GGT7: variants seen among roughly 807,000 people sequenced by gnomAD.
GGT7 encodes the protein glutathione hydrolase 7.
In GGT7, 30 loss-of-function variants were observed where a neutral mutation model predicts 69.2. The observed-to-expected ratio is 0.43, with a 90% CI of 0.32 to 0.59. GGT7 has a LOEUF of 0.59. Among genes scored for constraint, GGT7 ranks in the 20% least tolerant of loss-of-function variants. The pLI is 0.05. For synonymous variants in GGT7, 388 were observed against 391.8 expected, an observed-to-expected ratio of 0.99 and a Z score of 0.12; for missense variants, 733 against 901.1, an observed-to-expected ratio of 0.81 and a Z score of 2.39.
intron 8 of GGT7, among the ~76,000 whole-genome samples, chr20:34,855,814 T>TGTGTGTGTGTGTGTGTGTGA (rs56219337): frequency 0.017 from 2,466 of 144,492 alleles, 31 homozygotes; most frequent in African/African-American, 0.029. Flanking sequence ...TGTGTGTGTG[T>TGTGTGTGTGTGTGTGTGTGA]GATAATGGTC....
chr20:34,869,455 T>C (rs746055887), intron 1 of GGT7, among the ~76,000 whole-genome samples: 4 of 152,150 alleles, frequency 2.6e-5, no homozygotes, highest in Non-Finnish European at 5.9e-5. Flanking sequence ...TACAGGTGTA[T>C]GCCACTATGC....
At chr20:34,865,628 C>T (rs1392538023) in intron 1 of GGT7, among the ~76,000 whole-genome samples, 1 of 152,240 alleles carries the variant, frequency 6.6e-6, no homozygotes, top group East Asian at 1.9e-4. Flanking sequence ...TGCACCTCAC[C>T]TTCCTCATTC....
At position 34,872,628 on chromosome 20, in the gene GGT7, C is replaced by A; in HGVS notation, c.169+19G>T. 7.0e-7 allele frequency: 1 copy of A among 1,437,452 alleles called. No homozygotes were observed. Among genetic ancestry groups the A allele is most frequent in the Non-Finnish European group, 9.1e-7 (1 of 1,094,612 alleles). 89.0% of individuals were successfully genotyped at this position (1,437,452 alleles called of 1,614,324 possible). On this transcript the variant is annotated intron_variant, in intron 1 of 14. Coordinates refer to ENST00000336431, the MANE Select transcript of GGT7 (RefSeq NM_178026.3). ...GGGACTTCCCAAGGCAGGGCAGGGA[C>A]GGGGTCAGCGGGCCTCACCGGTGTC...
chr20:34,851,509 C>T, intron 12 of GGT7, 141 bp from the exon 13 acceptor site: 1 of 822,374 alleles, frequency 1.2e-6, no homozygotes, highest in Non-Finnish European at 1.9e-6. Flanking sequence ...GGTCCCTTCC[C>T]AGACAACAGT....
chr20:34,863,192 C>T lies in GGT7; in HGVS notation c.405+121G>A, dbSNP rs148144286. On this transcript the variant is annotated intron_variant, in intron 2 of 14. Transcript: ENST00000336431. This position sits in a 1 kb window ranked among gnomAD's most constrained non-coding sequence, Gnocchi z 4.4. ...CTCCTCTCTTTGGGACCTTCCTCTC[C>T]CAAGTCACCACCCTCTCTCCCCTTC... 2 of 860,100 alleles carry T rather than the reference C, an allele frequency of 2.3e-6. No individual in the cohort carries two copies. The highest frequency in any genetic ancestry group is 3.4e-5 in the African/African-American group (2 of 59,442). 53.3% of individuals were successfully genotyped at this position (860,100 alleles called of 1,614,324 possible). A position where few individuals can be genotyped will look rare whatever the true frequency, so the allele number is the denominator to read the frequency against.
chr20:34,872,688 C>A lies in GGT7; in HGVS notation c.128G>T (p.Gly43Val). Residue 43 changes from glycine to valine, a missense_variant, in exon 1 of 15, where the codon GGC becomes GTC. Transcript: ENST00000336431. ...CAGAAAGGCGTCCTCGTCCTTGCGGCCCCTCAGCGGGGCCGCGGGCGCCGG... is the reference window on the plus strand; with the variant it reads ...CAGAAAGGCGTCCTCGTCCTTGCGGACCCTCAGCGGGGCCGCGGGCGCCGG... ...DEPAPAAPLR[G>V]RKDEDAFLGD... 6.8e-7 allele frequency: 1 copy of A among 1,481,302 alleles called. No homozygotes were observed. Among genetic ancestry groups the A allele is most frequent in the Non-Finnish European group, 8.9e-7 (1 of 1,121,192 alleles). 91.8% of individuals were successfully genotyped at this position (1,481,302 alleles called of 1,614,324 possible).
intron 12 of GGT7, among the ~76,000 whole-genome samples, chr20:34,851,640 A>G (rs2079395171): frequency 6.6e-6 from 1 of 152,216 alleles, no homozygotes; most frequent in South Asian, 2.1e-4. Context: ...GCCAAGAAAG[A>G]TGGCAATGGG....
intron 1 of GGT7, among the ~76,000 whole-genome samples, chr20:34,866,187 A>T (rs2079687341): frequency 6.6e-6 from 1 of 152,268 alleles, no homozygotes; most frequent in Admixed American, 6.5e-5. Context: ...AAATTATTAC[A>T]GAAGTTACTC....
intron 8 of GGT7, 111 bp downstream of exon 8, chr20:34,856,695 C>A: frequency 4.3e-6 from 3 of 697,792 alleles, no homozygotes; most frequent in South Asian, 3.1e-5. Context: ...TAGCTCACTG[C>A]CTTAGTTTCT....
chr20:34,860,467 C>T, intron 4 of GGT7, 146 bp from the exon 5 acceptor site: 1 of 664,628 alleles, frequency 1.5e-6, no homozygotes. Context: ...GACAAGCTTT[C>T]CCAAGCAGGC....
At chr20:34,846,776 G>C (rs898866942) in intron 14 of GGT7, among the ~76,000 whole-genome samples, 33 of 152,118 alleles carry the variant, frequency 2.2e-4, no homozygotes, top group African/African-American at 7.2e-4. Context: ...CATTGCTTGG[G>C]ACCTTGCTAC....
intron 12 of GGT7, among the ~76,000 whole-genome samples, chr20:34,851,608 G>C (rs563504697): frequency 1.3e-5 from 2 of 152,270 alleles, no homozygotes; most frequent in South Asian, 4.1e-4. Flanking sequence ...AGGCTGCTAC[G>C]GGTCACAGGA....
chr20:34,851,081 C>T, intron 13 of GGT7, 150 bp downstream of exon 13: 1 of 926,780 alleles, frequency 1.1e-6, no homozygotes, highest in South Asian at 1.4e-5. Flanking sequence ...CCCATGTCCA[C>T]ATTGCCCAGG....
intron 4 of GGT7, among the ~76,000 whole-genome samples, chr20:34,860,933 G>A (rs555805809): frequency 6.6e-6 from 1 of 152,238 alleles, no homozygotes; most frequent in East Asian, 1.9e-4. Flanking sequence ...GGTGGACAAA[G>A]GACCTTCATT....
At chr20:34,865,836 C>T (rs116372165) in intron 1 of GGT7, among the ~76,000 whole-genome samples, 35 of 152,336 alleles carry the variant, frequency 2.3e-4, no homozygotes, top group African/African-American at 8.4e-4. Context: ...CCTAAATGGC[C>T]TAAAGGTCCT....
chr20:34,851,236 T>C lies in GGT7; in HGVS notation c.1720A>G (p.Thr574Ala), dbSNP rs2079385436. The change falls in exon 13 of 15, where the codon ACA (threonine) becomes GCA (alanine). Residue 574 changes from threonine (T) to alanine (A), a missense_variant. Physicochemically the swap from Thr to Ala is moderately conservative, Grantham distance 58. Coordinates refer to ENST00000336431, the MANE Select transcript of GGT7 (RefSeq NM_178026.3). The part of the protein sequence containing the change: ...NGAARGLSGL[T>A]QVLLNVLTLN... The stretch of plus-strand genomic sequence containing the variant: ...AACCATGGCGTAAACCTCACCTGTG[T>C]CAGGCCGCTGAGGCCCCGCGCAGCT... The C allele has an allele frequency of 1.2e-6, 2 of 1,613,306 alleles. No homozygotes were observed. The highest frequency in any genetic ancestry group is 1.7e-6 in the Non-Finnish European group (2 of 1,179,956).
chr20:34,864,221 C>G, intron 1 of GGT7, among the ~76,000 whole-genome samples: 1 of 152,026 alleles, frequency 6.6e-6, no homozygotes, highest in Non-Finnish European at 1.5e-5. Flanking sequence ...CAGGAAGTGA[C>G]TTTTAAGCTG....
rs185440122 is a variant in GGT7, at chr20:34,870,386, C to G, written c.169+2261G>C. On this transcript the variant is annotated intron_variant, in intron 1 of 14. Coordinates refer to ENST00000336431, the MANE Select transcript of GGT7 (RefSeq NM_178026.3). ...CTCCTACCATTCTTTCATCCTCTCT[C>G]CTACCATTCTTTCATCCTGAGATCT... Among the ~76,000 whole-genome samples the G allele has an allele frequency of 7.7e-3, 1,167 of 152,334 alleles. 14 individuals are homozygous for G. Among genetic ancestry groups the G allele is most frequent in the Middle Eastern group, 0.014 (4 of 294 alleles).
intron 5 of GGT7, 70 bp from the exon 6 acceptor site, chr20:34,860,112 G>GGGGGTGCGGGGGGGGGGGGGA (rs2079565227): frequency 1.2e-6 from 1 of 863,524 alleles, no homozygotes. Context: ...GGGGAGGGGG[G>GGGGGTGCGGGGGGGGGGGGGA]TTCCTGGGAA....
Sources: gnomAD v4.1 joint callset for allele counts (sites outside exome capture counted in the v4.1 genomes callset) on GRCh38, gnomAD v4.1.1 for gene constraint, Gnocchi (gnomAD v3.1) non-coding constraint, MANE v1.5 for transcripts, NCBI Gene and HGNC (gene_info 2026-07-23, HGNC 2026-07-21) for gene names.